The following OVOL2 variants were observed in gnomAD, a reference collection of about 807,000 sequenced individuals.
OVOL2 encodes transcription factor Ovo-like 2.
In OVOL2, 13 loss-of-function variants were observed where a neutral mutation model predicts 18.1. The observed-to-expected ratio is 0.72, with a 90% confidence interval of 0.47 to 1.14. The LOEUF (loss-of-function observed/expected upper bound fraction) is 1.14. Ranked by LOEUF, OVOL2 falls within the 50% of genes most tolerant of loss-of-function variation. The probability of loss-of-function intolerance (pLI) is 0.00; values close to 1 mark genes in which losing one functional copy is unlikely to be tolerated. For missense variants in OVOL2, 335 were observed against 383.0 expected, an observed-to-expected ratio of 0.87 and a Z score of 1.05; for synonymous variants, 166 against 162.7, an observed-to-expected ratio of 1.02 and a Z score of -0.16.
At chr20:18,058,964 C>G (rs1197557638), upstream of OVOL2, 1 of 152,278 alleles carries the variant, frequency 6.6e-6, no homozygotes, top group Non-Finnish European at 1.5e-5. Flanking sequence ...TCTTGTGTCG[C>G]TGCGGTCGCC....
chr20:18,050,103 T>A (rs530773965), intron 2 of OVOL2, among the ~76,000 whole-genome samples: 1 of 152,304 alleles, frequency 6.6e-6, no homozygotes, highest in South Asian at 2.1e-4. Context: ...AAGGTTCCTG[T>A]AGTCGATCCT....
Position 18,057,110 on chromosome 20 carries a change from G to A in OVOL2, c.101-233C>T, listed in dbSNP as rs2036836109. On this transcript the variant is annotated intron_variant, in intron 1 of 3. Coordinates refer to ENST00000278780, the MANE Select transcript of OVOL2 (RefSeq NM_021220.4). The surrounding 1 kb of genome is among the most constrained non-coding windows in gnomAD (Gnocchi z 6.3). ...CAAGGCGCCCACGAGGAACCGGGCG[G>A]CCACGAGCGGCGGAGGACCCCGCGC... Among the ~76,000 whole-genome samples, 1 of 152,202 alleles carries A rather than the reference G, an allele frequency of 6.6e-6. No homozygotes were observed. The highest frequency in any genetic ancestry group is 6.5e-5 in the Admixed American group (1 of 15,288).
In OVOL2 at chr20:18,057,348, C is replaced by A. The variant is rs372009309; in HGVS notation, c.100+187G>T. On this transcript the variant is annotated intron_variant, in intron 1 of 3. Transcript: ENST00000278780. The surrounding 1 kb of genome is among the most constrained non-coding windows in gnomAD (Gnocchi z 6.3). Reference sequence around the variant, plus strand: ...GAGGCTCCCACTACGGGGAAGGGGGCGCCTAGAGTCTGGGGCATCCCAGTC... The same window carrying A: ...GAGGCTCCCACTACGGGGAAGGGGGAGCCTAGAGTCTGGGGCATCCCAGTC... Among the ~76,000 whole-genome samples the A allele has an allele frequency of 1.4e-4, 21 of 152,166 alleles. No individual in the cohort carries two copies. The highest frequency in any genetic ancestry group is 4.8e-4 in the African/African-American group (20 of 41,438).
intron 3 of OVOL2, among the ~76,000 whole-genome samples, chr20:18,037,302 C>T (rs1245751139): frequency 6.6e-6 from 1 of 152,232 alleles, no homozygotes; most frequent in Non-Finnish European, 1.5e-5. Context: ...TGGTTCCCAG[C>T]TCCACCACTG....
At chr20:18,035,772 T>C (rs1303578822) in intron 3 of OVOL2, among the ~76,000 whole-genome samples, 1 of 152,202 alleles carries the variant, frequency 6.6e-6, no homozygotes, top group Non-Finnish European at 1.5e-5. Flanking sequence ...AACATTTCCA[T>C]AGTTCCATTT....
chr20:18,055,276 G>A (rs1333136539), intron 2 of OVOL2, among the ~76,000 whole-genome samples: 1 of 152,152 alleles, frequency 6.6e-6, no homozygotes, highest in Admixed American at 6.6e-5. Flanking sequence ...GGGACAGAGG[G>A]GCAAACTAGC....
chr20:18,035,179 A>C (rs1468801455), intron 3 of OVOL2, among the ~76,000 whole-genome samples: 1 of 152,224 alleles, frequency 6.6e-6, no homozygotes. Flanking sequence ...AGGCGGGTGC[A>C]GTGGCTCACG....
intron 2 of OVOL2, among the ~76,000 whole-genome samples, chr20:18,052,647 C>A (rs1160140019): frequency 6.6e-6 from 1 of 152,138 alleles, no homozygotes; most frequent in Non-Finnish European, 1.5e-5. Flanking sequence ...TGCACCACTA[C>A]AAGACTCGAT....
chr20:18,038,265 A>C (rs1054296045), intron 3 of OVOL2, among the ~76,000 whole-genome samples: 2 of 152,196 alleles, frequency 1.3e-5, no homozygotes, highest in Non-Finnish European at 2.9e-5. Flanking sequence ...CAACTGTTGC[A>C]ATTTTACTAC....
rs1428111953 is a variant in OVOL2, at chr20:18,056,545, G to A, written c.321+112C>T. The A allele has an allele frequency of 2.7e-6, 3 of 1,121,974 alleles. No individual in the cohort carries two copies. Among genetic ancestry groups the A allele is most frequent in the Non-Finnish European group, 3.3e-6 (3 of 918,626 alleles). The allele number at this position is 1,121,974 out of a possible 1,614,324, so 69.5% of individuals were successfully genotyped here. The stretch of plus-strand genomic sequence containing the variant: ...AGGAGCGGCGCGGCGGGCGCGCTCG[G>A]GGCGCGGGTGCCGGGTTGCGCAGGC... On this transcript the variant is annotated intron_variant, in intron 2 of 3. Coordinates refer to ENST00000278780, the MANE Select transcript of OVOL2 (RefSeq NM_021220.4). The surrounding 1 kb of genome is among the most constrained non-coding windows in gnomAD (Gnocchi z 4.2).
At chr20:18,041,815 T>C in intron 2 of OVOL2, 92 bp from the exon 3 acceptor site, 2 of 1,204,204 alleles carry the variant, frequency 1.7e-6, no homozygotes, top group Non-Finnish European at 2.3e-6. Context: ...GTCTTGAGGC[T>C]GCCCTGTCTG....
rs1209483571 is a variant in OVOL2 at position 18,057,563 on chromosome 20, A to T, written c.72T>A (p.Asp24Glu). The T allele has an allele frequency of 6.3e-7, 1 of 1,591,528 alleles. No individual in the cohort carries two copies. Residue 24 changes from aspartate (D) to glutamate (E), a missense_variant, in exon 1 of 4, where the codon GAT becomes GAA. Asp to Glu is a conservative substitution (Grantham distance 45). Transcript: ENST00000278780. The surrounding 1 kb of genome is among the most constrained non-coding windows in gnomAD (Gnocchi z 6.3). ...VSVRSWDELP[D>E]EKRADTYIPV... ...GGATGTAGGTGTCTGCCCTTTTCTC[A>T]TCCGGGAGCTCATCCCAGCTGCGGA...
chr20:18,054,634 C>G (rs891949611), intron 2 of OVOL2, among the ~76,000 whole-genome samples: 1 of 151,670 alleles, frequency 6.6e-6, no homozygotes, highest in Non-Finnish European at 1.5e-5. Flanking sequence ...CCCAGCTGCT[C>G]GGAAGGCTGA....
In OVOL2 at chr20:18,057,523, G is replaced by C. The variant is rs2036841374; in HGVS notation, c.100+12C>G. Reference sequence around the variant, plus strand: ...AGCCCAGCGCCCAGGCCCGGCCCCCGCGCGCGCTCACCTGGGATGTAGGTG... The same window carrying C: ...AGCCCAGCGCCCAGGCCCGGCCCCCCCGCGCGCTCACCTGGGATGTAGGTG... On this transcript the variant is annotated intron_variant, in intron 1 of 3. Transcript: ENST00000278780. The surrounding 1 kb of genome is among the most constrained non-coding windows in gnomAD (Gnocchi z 6.3). 6.7e-7 allele frequency: 1 copy of C among 1,484,306 alleles called. No homozygotes were observed. Among genetic ancestry groups the C allele is most frequent in the Admixed American group, 2.0e-5 (1 of 50,232 alleles). The allele number at this position is 1,484,306 out of a possible 1,614,324, so 91.9% of individuals were successfully genotyped here.
chr20:18,040,199 C>T (rs557917644), intron 3 of OVOL2, among the ~76,000 whole-genome samples: 25 of 152,262 alleles, frequency 1.6e-4, no homozygotes, highest in Admixed American at 2.6e-4. Flanking sequence ...GCAAGGATTA[C>T]GAGCAGGAGC....
intron 3 of OVOL2, among the ~76,000 whole-genome samples, chr20:18,029,041 T>G (rs78306267): frequency 1.5e-4 from 22 of 151,708 alleles, no homozygotes; most frequent in East Asian, 3.9e-4. Context: ...TTATTTTATT[T>G]TTTGAGAAGG....
At chr20:18,035,743 A>G (rs921788942) in intron 3 of OVOL2, among the ~76,000 whole-genome samples, 1 of 152,136 alleles carries the variant, frequency 6.6e-6, no homozygotes, top group African/African-American at 2.4e-5. Context: ...ATAGGTCGGG[A>G]TGGGGTAAAT....
chr20:18,047,684 C>T (rs150542711), intron 2 of OVOL2, among the ~76,000 whole-genome samples: 7,624 of 142,808 alleles, frequency 0.053, 259 homozygotes, highest in African/African-American at 0.08. Flanking sequence ...TGAAACCCCG[C>T]CTCTATTAAA....
intron 3 of OVOL2, among the ~76,000 whole-genome samples, chr20:18,040,676 G>T (rs1172070031): frequency 6.6e-6 from 1 of 152,166 alleles, no homozygotes; most frequent in Non-Finnish European, 1.5e-5. Flanking sequence ...ACTCTGTGAA[G>T]AACTGGAACT....
Sources: gnomAD v4.1 joint callset for allele counts (sites outside exome capture counted in the v4.1 genomes callset) on GRCh38, gnomAD v4.1.1 for gene constraint, Gnocchi (gnomAD v3.1) non-coding constraint, MANE v1.5 for transcripts, NCBI Gene and HGNC (gene_info 2026-07-23, HGNC 2026-07-21) for gene names.